Variants in SLC43A1 observed in about 807,000 individuals in gnomAD.
The protein encoded by SLC43A1 is large neutral amino acids transporter small subunit 3.
A neutral mutation model predicts 59.5 loss-of-function variants in SLC43A1; 31 were observed. The observed-to-expected ratio is 0.52, with a 90% CI of 0.39 to 0.70. The LOEUF (loss-of-function observed/expected upper bound fraction) is 0.70. Among genes scored for constraint, SLC43A1 ranks in the 30% least tolerant of loss-of-function variants. The probability of loss-of-function intolerance (pLI) is 0.00; values close to 1 mark genes in which losing one functional copy is unlikely to be tolerated. For synonymous variants in SLC43A1, 259 were observed against 290.9 expected, an observed-to-expected ratio of 0.89 and a Z score of 1.12; for missense variants, 598 against 717.8, an observed-to-expected ratio of 0.83 and a Z score of 1.91.
chr11:57,494,071 C>A lies in SLC43A1; in HGVS notation c.793G>T (p.Ala265Ser). ...TCCGAACCGTCCTCCAGGCTGGGGG[C>A]CTTCTGGCTGAGCCTCTGGCCCATG... ...TTMGQRLSQKAPSLEDGSDAF... is the reference protein window; with the variant it reads ...TTMGQRLSQKSPSLEDGSDAF... Residue 265 changes from alanine (A) to serine (S), a missense_variant, in exon 8 of 15, where the codon GCC (alanine) becomes TCC (serine). Coordinates refer to ENST00000278426, the MANE Select transcript of SLC43A1 (RefSeq NM_003627.6). 1 of 1,611,238 alleles carries A rather than the reference C, an allele frequency of 6.2e-7. No individual in the cohort carries two copies. Among genetic ancestry groups the A allele is most frequent in the Non-Finnish European group, 8.5e-7 (1 of 1,178,716 alleles).
At chr11:57,500,575 C>A (rs749773295) in intron 5 of SLC43A1, among the ~76,000 whole-genome samples, 8 of 152,130 alleles carry the variant, frequency 5.3e-5, no homozygotes, top group Non-Finnish European at 7.4e-5. Context: ...AACATACACC[C>A]CGACACACAG....
At chr11:57,512,507 G>A (rs1944574046) in intron 2 of SLC43A1, among the ~76,000 whole-genome samples, 1 of 150,816 alleles carries the variant, frequency 6.6e-6, no homozygotes, top group Non-Finnish European at 1.5e-5. Flanking sequence ...TCATGCCAAT[G>A]CACTCCAGCC....
At chr11:57,490,357 A>C (rs1205609440) in intron 11 of SLC43A1, among the ~76,000 whole-genome samples, 6 of 151,790 alleles carry the variant, frequency 4.0e-5, no homozygotes, top group African/African-American at 1.5e-4. Context: ...CCAACAAGAC[A>C]GCCCTCAAGG....
In SLC43A1 at chr11:57,514,963, C is replaced by A. The variant is rs890809527; in HGVS notation, c.-14+481G>T. 6 of 974,466 alleles carry A rather than the reference C, an allele frequency of 6.2e-6. No homozygotes were observed. The highest frequency in any genetic ancestry group is 7.3e-6 in the Non-Finnish European group (6 of 820,164). 60.4% of individuals were successfully genotyped at this position (974,466 alleles called of 1,614,324 possible). On this transcript the variant is annotated intron_variant, in intron 1 of 14. Coordinates refer to ENST00000278426, the MANE Select transcript of SLC43A1 (RefSeq NM_003627.6). The surrounding 1 kb of genome is among the most constrained non-coding windows in gnomAD (Gnocchi z 5.5). ...GGGAGGGAAAGAGCCCCAGCTCCCCCCGCCGCGGCCGCTGCAGCCTCGGCG... is the reference window on the plus strand; with the variant it reads ...GGGAGGGAAAGAGCCCCAGCTCCCCACGCCGCGGCCGCTGCAGCCTCGGCG...
intron 2 of SLC43A1, among the ~76,000 whole-genome samples, chr11:57,503,230 C>G (rs1161114792): frequency 6.6e-6 from 1 of 151,216 alleles, no homozygotes; most frequent in Admixed American, 6.6e-5. Context: ...TTGGACCACA[C>G]AGCCTTTGGG....
At chr11:57,491,013 GCA>G (rs2065390057) in intron 11 of SLC43A1, among the ~76,000 whole-genome samples, 1 of 152,222 alleles carries the variant, frequency 6.6e-6, no homozygotes. Flanking sequence ...GGTGCCAAGT[GCA>G]CAGTCAGCAC....
intron 2 of SLC43A1, among the ~76,000 whole-genome samples, chr11:57,509,967 T>C (rs1944494561): frequency 6.6e-6 from 1 of 152,004 alleles, no homozygotes; most frequent in African/African-American, 2.4e-5. Context: ...ATCTAGAACA[T>C]AAAGAACTCT....
intron 5 of SLC43A1, among the ~76,000 whole-genome samples, chr11:57,499,828 C>G (rs910067298): frequency 6.6e-6 from 1 of 152,062 alleles, no homozygotes; most frequent in Admixed American, 6.5e-5. Context: ...CAGGGAGGGT[C>G]TGAGGTCAAG....
intron 5 of SLC43A1, among the ~76,000 whole-genome samples, chr11:57,500,312 G>A (rs1006176075): frequency 2.0e-5 from 3 of 152,188 alleles, no homozygotes; most frequent in Non-Finnish European, 2.9e-5. Context: ...CATGGCAAGC[G>A]TGCACACGCT....
chr11:57,503,605 G>A (rs1048654840), intron 2 of SLC43A1, among the ~76,000 whole-genome samples: 1 of 152,152 alleles, frequency 6.6e-6, no homozygotes, highest in Non-Finnish European at 1.5e-5. Flanking sequence ...TTACAGACAT[G>A]AGCAACTGTG....
chr11:57,499,111 T>A (rs1944174660), intron 5 of SLC43A1, among the ~76,000 whole-genome samples: 1 of 152,118 alleles, frequency 6.6e-6, no homozygotes, highest in African/African-American at 2.4e-5. Context: ...TTGCCTGAGC[T>A]CAGGAGTTCG....
intron 2 of SLC43A1, among the ~76,000 whole-genome samples, chr11:57,509,609 G>GGAAGGAAGGAAA (rs1332895786): frequency 8.2e-6 from 1 of 121,482 alleles, no homozygotes; most frequent in Non-Finnish European, 1.7e-5. Flanking sequence ...AAGGAAGGAA[G>GGAAGGAAGGAAA]GAAGGAAGGA....
Position 57,514,747 on chromosome 11 carries a change from C to A in SLC43A1, c.-13-623G>T. 1.1e-6 allele frequency: 1 copy of A among 893,796 alleles called. No homozygotes were observed. Among genetic ancestry groups the A allele is most frequent in the Non-Finnish European group, 1.3e-6 (1 of 746,218 alleles). 55.4% of individuals were successfully genotyped at this position (893,796 alleles called of 1,614,324 possible). A position where few individuals can be genotyped will look rare whatever the true frequency, so the allele number is the denominator to read the frequency against. On this transcript the variant is annotated intron_variant, in intron 1 of 14. Coordinates refer to ENST00000278426, the MANE Select transcript of SLC43A1 (RefSeq NM_003627.6). This position sits in a 1 kb window ranked among gnomAD's most constrained non-coding sequence, Gnocchi z 5.5. The stretch of plus-strand genomic sequence containing the variant: ...AGGGAGACCCAGGACGGGCTCTCCT[C>A]GGTTCCCTCCTCCCCCGCGCGCCCC...
At chr11:57,504,573 C>T (rs1944348580) in intron 2 of SLC43A1, among the ~76,000 whole-genome samples, 1 of 152,130 alleles carries the variant, frequency 6.6e-6, no homozygotes, top group Admixed American at 6.6e-5. Flanking sequence ...TACAATGGTC[C>T]CCATTTTATA....
At chr11:57,489,061 A>C in intron 12 of SLC43A1, 72 bp from the exon 13 acceptor site, 1 of 1,502,130 alleles carries the variant, frequency 6.7e-7, no homozygotes, top group Non-Finnish European at 9.3e-7. Flanking sequence ...GGTAGGGCGA[A>C]GAGGCCAACT....
At chr11:57,486,823 AAAAT>A (rs1350353686) in intron 14 of SLC43A1, among the ~76,000 whole-genome samples, 14 of 151,822 alleles carry the variant, frequency 9.2e-5, no homozygotes, top group African/African-American at 2.9e-4. Context: ...AATAAAAATA[AAAAT>A]AAATAAATAA....
At chr11:57,513,284 G>A (rs1233319382) in intron 2 of SLC43A1, among the ~76,000 whole-genome samples, 1 of 152,220 alleles carries the variant, frequency 6.6e-6, no homozygotes, top group African/African-American at 2.4e-5. Flanking sequence ...GAGCTTGTCA[G>A]CACAGCTCTC....
Position 57,513,951 on chromosome 11 carries a change from G to C in SLC43A1, c.154+7C>G. On this transcript the variant is annotated splice_region_variant and intron_variant, in intron 2 of 14. Coordinates refer to ENST00000278426, the MANE Select transcript of SLC43A1 (RefSeq NM_003627.6). ...CCCCAGCCCACCCAGCCCATTTTCA[G>C]GCATACCTGGGCACGTGCTGGAATA... is the stretch of plus-strand genomic sequence containing the variant. The C allele has an allele frequency of 1.4e-6, 1 of 739,072 alleles. No homozygotes were observed. Among genetic ancestry groups the C allele is most frequent in the Non-Finnish European group, 2.2e-6 (1 of 457,998 alleles). 45.8% of individuals were successfully genotyped at this position (739,072 alleles called of 1,614,324 possible).
At chr11:57,500,657 G>C in intron 5 of SLC43A1, 122 bp downstream of exon 5, 1 of 810,882 alleles carries the variant, frequency 1.2e-6, no homozygotes, top group Non-Finnish European at 2.1e-6. Context: ...ACACTCACTT[G>C]ATCTAGTGAT....
Sources: allele counts gnomAD v4.1 joint callset (sites outside exome capture counted in the v4.1 genomes callset), GRCh38; gene constraint gnomAD v4.1.1; non-coding constraint Gnocchi (gnomAD v3.1); transcripts MANE v1.5; gene names NCBI Gene and HGNC (gene_info 2026-07-23, HGNC 2026-07-21).